The following PPARA variants were observed in gnomAD, a reference collection of about 807,000 sequenced individuals.
The protein encoded by PPARA is peroxisome proliferator activated receptor alpha, also known as peroxisome proliferator-activated receptor alpha.
A neutral mutation model predicts 42.2 loss-of-function variants in PPARA; 22 were observed. That is an observed-to-expected ratio of 0.52 (90% CI 0.37 to 0.74). The LOEUF is 0.74. Ranked by LOEUF, PPARA falls within the 30% of genes least tolerant of loss-of-function variation. The pLI, the probability that PPARA is intolerant of heterozygous loss-of-function variation, is 0.00. For synonymous variants in PPARA, 242 were observed against 239.3 expected (o/e 1.01, Z -0.10); for missense variants, 465 against 608.2 (o/e 0.76, Z 2.48).
intron 4 of PPARA, among the ~76,000 whole-genome samples, chr22:46,213,827 G>A (rs563865050): frequency 6.6e-6 from 1 of 152,296 alleles, no homozygotes; most frequent in South Asian, 2.1e-4. Flanking sequence ...CTGACCTCGT[G>A]ATCCGCTTGC....
Position 46,212,657 on chromosome 22 carries a change from T to C in PPARA, c.209-2516T>C, listed in dbSNP as rs1934052920. Among the ~76,000 whole-genome samples the C allele has an allele frequency of 1.3e-5, 2 of 152,166 alleles. No individual in the cohort carries two copies. The highest frequency in any genetic ancestry group is 6.6e-5 in the Admixed American group (1 of 15,266). ...CTGTTTGTACCACAGTTTGTATATC[T>C]ATTCACCTATCTAAGGGCATCTTGG... On this transcript the variant is annotated intron_variant, in intron 4 of 8. Transcript: ENST00000407236. This position sits in a 1 kb window ranked among gnomAD's most constrained non-coding sequence, Gnocchi z 4.2.
At chr22:46,198,237 C>CAA (rs398037349) in intron 3 of PPARA, 105 bp from the exon 4 acceptor site, 1,094 of 189,664 alleles carry the variant, frequency 5.8e-3, no homozygotes, top group Middle Eastern at 7.6e-3. Context: ...GACTCTGTCT[C>CAA]AAAAAAAAAA....
Position 46,190,161 on chromosome 22 carries a change from G to A in PPARA, c.-42-8181G>A, listed in dbSNP as rs944310931. Among the ~76,000 whole-genome samples, 2 of 152,156 alleles carry A rather than the reference G, an allele frequency of 1.3e-5. No homozygotes were observed. The highest frequency in any genetic ancestry group is 2.9e-5 in the Non-Finnish European group (2 of 68,028). ...AAATATGATATTCAAAAAATATAAA[G>A]ACAAGGTGATAAATTAGAATTGGTG... On this transcript the variant is annotated intron_variant, in intron 3 of 8. Coordinates refer to ENST00000407236, the MANE Select transcript of PPARA (RefSeq NM_005036.6). This position sits in a 1 kb window ranked among gnomAD's most constrained non-coding sequence, Gnocchi z 5.6.
At chr22:46,209,600 C>T (rs1310030883) in intron 4 of PPARA, among the ~76,000 whole-genome samples, 1 of 152,080 alleles carries the variant, frequency 6.6e-6, no homozygotes, top group South Asian at 2.1e-4. Context: ...TGCTCCTAAT[C>T]CTATCCAGTG....
rs959297023 is a variant in PPARA at position 46,160,886 on chromosome 22, G to A, written c.-127+8916G>A. On this transcript the variant is annotated intron_variant, in intron 2 of 8. Transcript: ENST00000407236. The surrounding 1 kb of genome is among the most constrained non-coding windows in gnomAD (Gnocchi z 4.5). Reference sequence around the variant, plus strand: ...TGTTGGGATTACAGGTGTGATTCATGATGTCCAGCCCAGTATTTTTCTTTC... The same window carrying A: ...TGTTGGGATTACAGGTGTGATTCATAATGTCCAGCCCAGTATTTTTCTTTC... Among the ~76,000 whole-genome samples, 5 of 152,204 alleles carry A rather than the reference G, an allele frequency of 3.3e-5. No individual in the cohort carries two copies. Among genetic ancestry groups the A allele is most frequent in the Non-Finnish European group, 7.3e-5 (5 of 68,036 alleles).
At chr22:46,214,775 C>T (rs1475004378) in intron 4 of PPARA, among the ~76,000 whole-genome samples, 4 of 147,296 alleles carry the variant, frequency 2.7e-5, no homozygotes, top group East Asian at 2.0e-4. Flanking sequence ...ATGCGCGGGG[C>T]GGAGATGTGT....
rs1927210357 is a variant in PPARA, at chr22:46,167,246, T to A, written c.-126-9507T>A. Reference sequence around the variant, plus strand: ...CATAATTATTATCATTATATTATACTATTATGTAATAATAGTATATATCAT... The same window carrying A: ...CATAATTATTATCATTATATTATACAATTATGTAATAATAGTATATATCAT... On this transcript the variant is annotated intron_variant, in intron 2 of 8. Coordinates refer to ENST00000407236, the MANE Select transcript of PPARA (RefSeq NM_005036.6). The surrounding 1 kb of genome is among the most constrained non-coding windows in gnomAD (Gnocchi z 4.1). Among the ~76,000 whole-genome samples the A allele has an allele frequency of 6.6e-6, 1 of 151,066 alleles. No individual in the cohort carries two copies. The highest frequency in any genetic ancestry group is 1.5e-5 in the Non-Finnish European group (1 of 67,842).
rs761543 is a variant in PPARA at position 46,188,492 on chromosome 22, T to C, written c.-42-9850T>C. On this transcript the variant is annotated intron_variant, in intron 3 of 8. Coordinates refer to ENST00000407236, the MANE Select transcript of PPARA (RefSeq NM_005036.6). The surrounding 1 kb of genome is among the most constrained non-coding windows in gnomAD (Gnocchi z 5.0). Reference sequence around the variant, plus strand: ...ATTCCCCCAGTAACAGCCCTCATCATGCTGCCTTTGCAACCATTTGTTTAT... The same window carrying C: ...ATTCCCCCAGTAACAGCCCTCATCACGCTGCCTTTGCAACCATTTGTTTAT... 0.99 allele frequency among the ~76,000 whole-genome samples: 151,311 copies of C among 152,276 alleles called. 75,182 individuals are homozygous for C. Among genetic ancestry groups the C allele is most frequent in the East Asian group, 1 (5,180 of 5,180 alleles).
At chr22:46,178,868 T>C (rs977666056) in intron 3 of PPARA, among the ~76,000 whole-genome samples, 4 of 152,198 alleles carry the variant, frequency 2.6e-5, no homozygotes, top group African/African-American at 9.6e-5. Flanking sequence ...ATGAGATAGA[T>C]CAGAATCTCG....
chr22:46,236,691 C>T lies in PPARA; in HGVS notation c.*1311C>T, dbSNP rs1321972332. ...CAGTAGATGCTCTCTGGAGCGCAGA[C>T]GAGGCACATGTGTCTTCATAGCCTG... On this transcript the variant is annotated 3_prime_UTR_variant, in exon 9 of 9. Coordinates refer to ENST00000407236, the MANE Select transcript of PPARA (RefSeq NM_005036.6). The surrounding 1 kb of genome is among the most constrained non-coding windows in gnomAD (Gnocchi z 5.2). 6.6e-6 allele frequency: 1 copy of T among 152,638 alleles called. No homozygotes were observed. Among genetic ancestry groups the T allele is most frequent in the African/African-American group, 2.4e-5 (1 of 41,452 alleles). The allele number at this position is 152,638 out of a possible 1,614,324, so 9.5% of individuals were successfully genotyped here.
intron 2 of PPARA, among the ~76,000 whole-genome samples, chr22:46,174,917 C>CTT (rs199602689): frequency 6.9e-6 from 1 of 145,912 alleles, no homozygotes. Flanking sequence ...GTTTTTTTTA[C>CTT]TTTTTTTTTT....
At position 46,198,589 on chromosome 22, in the gene PPARA, C is replaced by T. The variant is rs561580529; in HGVS notation, c.206C>T (p.Thr69Met). The T allele has an allele frequency of 6.8e-5, 110 of 1,611,522 alleles. 1 individual carries two copies. In the South Asian group the frequency reaches 1.1e-3, roughly 16 times the overall value. Residue 69 changes from threonine to methionine, a missense_variant and splice_region_variant, in exon 4 of 9, where the codon ACG becomes ATG. By Grantham distance (81) the Thr-to-Met change is moderately conservative (BLOSUM62 -1). Transcript: ENST00000407236. ...CCTGGCTCAGATGGCTCGGTCATCA[C>T]GGGTAAGTGTGCCGTTTCCTAGAAA... Reference protein sequence around the residue: ...SCPGSDGSVITDTLSPASSPS... With the variant: ...SCPGSDGSVIMDTLSPASSPS...
chr22:46,156,401 A>G lies in PPARA; in HGVS notation c.-127+4431A>G, dbSNP rs769306290. The G allele has an allele frequency of 4.6e-5, 7 of 152,200 alleles. No homozygotes were observed. Among genetic ancestry groups the G allele is most frequent in the African/African-American group, 9.6e-5 (4 of 41,452 alleles). The allele number at this position is 152,200 out of a possible 1,614,324, so 9.4% of individuals were successfully genotyped here. ...CAGGAGGTGTCTTAAGAAGGAGGAC[A>G]TACCGCTGGCTCCTGCCTTTCTCAC... On this transcript the variant is annotated intron_variant, in intron 2 of 8. Transcript: ENST00000407236. The surrounding 1 kb of genome is among the most constrained non-coding windows in gnomAD (Gnocchi z 5.2).
Position 46,242,919 on chromosome 22 carries a change from AAC to A in PPARA, c.*7541_*7542del, listed in dbSNP as rs1422990564. The A allele has an allele frequency of 2.0e-5, 3 of 152,682 alleles. No individual in the cohort carries two copies. Among genetic ancestry groups the A allele is most frequent in the Admixed American group, 6.5e-5 (1 of 15,290 alleles). 9.5% of individuals were successfully genotyped at this position (152,682 alleles called of 1,614,324 possible). On this transcript the variant is annotated 3_prime_UTR_variant, in exon 9 of 9. Transcript: ENST00000407236. The surrounding 1 kb of genome is among the most constrained non-coding windows in gnomAD (Gnocchi z 6.1). ...GTATTAGAGGCCACCGATTTCATAC[AAC>A]AGTGTTTCGCTAAAGACCCTTCACT...
At chr22:46,217,173 A>C (rs984085290) in intron 5 of PPARA, among the ~76,000 whole-genome samples, 3 of 152,034 alleles carry the variant, frequency 2.0e-5, no homozygotes, top group African/African-American at 7.2e-5. Flanking sequence ...CCCACTGTGC[A>C]AGCCTAGGTA....
intron 7 of PPARA, among the ~76,000 whole-genome samples, chr22:46,220,842 C>T (rs750693514): frequency 6.6e-6 from 1 of 151,834 alleles, no homozygotes; most frequent in Non-Finnish European, 1.5e-5. Flanking sequence ...ACTTGGGTGG[C>T]TTAGGCATGA....
chr22:46,157,255 G>A (rs1170776201), intron 2 of PPARA, among the ~76,000 whole-genome samples: 2 of 152,216 alleles, frequency 1.3e-5, no homozygotes, highest in African/African-American at 4.8e-5. Flanking sequence ...AATTCAAGAA[G>A]AATGTATTGA....
At chr22:46,151,349 G>A (rs967725316) in intron 1 of PPARA, among the ~76,000 whole-genome samples, 1 of 152,174 alleles carries the variant, frequency 6.6e-6, no homozygotes, top group African/African-American at 2.4e-5. Flanking sequence ...CGTCGCTCCC[G>A]GTCGGGGCCG....
chr22:46,199,009 A>G (rs1279237145), intron 4 of PPARA, among the ~76,000 whole-genome samples: 3 of 152,222 alleles, frequency 2.0e-5, no homozygotes, highest in Non-Finnish European at 2.9e-5. Context: ...TTGCAAAGAA[A>G]GCTTCAGACG....
Sources: gnomAD v4.1 joint callset for allele counts (sites outside exome capture counted in the v4.1 genomes callset) on GRCh38, gnomAD v4.1.1 for gene constraint, Gnocchi (gnomAD v3.1) non-coding constraint, MANE v1.5 for transcripts, NCBI Gene and HGNC (gene_info 2026-07-23, HGNC 2026-07-21) for gene names.